Variants in MACROD2 observed in about 807,000 individuals in gnomAD.
MACROD2 encodes the protein ADP-ribose glycohydrolase MACROD2.
MACROD2 carries 36 observed loss-of-function variants against 70.4 expected under a neutral mutation model. The observed-to-expected ratio is 0.51, with a 90% CI of 0.39 to 0.68. The LOEUF (loss-of-function observed/expected upper bound fraction) is 0.68, where lower values mean the gene tolerates loss of function less well. Ranked by LOEUF, MACROD2 falls within the 30% of genes least tolerant of loss-of-function variation. The probability of loss-of-function intolerance (pLI) is 0.00; values close to 1 mark genes in which losing one functional copy is unlikely to be tolerated. For missense variants in MACROD2, 496 were observed against 538.4 expected, an observed-to-expected ratio of 0.92 and a Z score of 0.78; for synonymous variants, 172 against 178.8, an observed-to-expected ratio of 0.96 and a Z score of 0.30.
rs546026110 is a variant in MACROD2 at position 15,173,095 on chromosome 20, T to A, written c.419-56845T>A. Reference sequence around the variant, plus strand: ...GTGGGTCTGTGTGTTAAACTTTTTTTATCTTTTTCAGGGACTCAAATATTT... The same window carrying A: ...GTGGGTCTGTGTGTTAAACTTTTTTAATCTTTTTCAGGGACTCAAATATTT... On this transcript the variant is annotated intron_variant, in intron 5 of 17. Transcript: ENST00000684519. 5.9e-5 allele frequency among the ~76,000 whole-genome samples: 9 copies of A among 152,146 alleles called. No homozygotes were observed. In the East Asian group the frequency reaches 1.5e-3, roughly 26 times the overall value.
chr20:15,217,873 G>C lies in MACROD2; in HGVS notation c.419-12067G>C, dbSNP rs529996087. ...GGAAAGGTCTCTTGGTTTTCTTCGA[G>C]TGCTTTTACATTAATGGTTTCTACT... is the stretch of plus-strand genomic sequence containing the variant. On this transcript the variant is annotated intron_variant, in intron 5 of 17. Coordinates refer to ENST00000684519, the MANE Select transcript of MACROD2 (RefSeq NM_001351661.2). Among the ~76,000 whole-genome samples, 351 of 152,146 alleles carry C rather than the reference G, an allele frequency of 2.3e-3. 3 individuals are homozygous for C. The highest frequency in any genetic ancestry group is 0.011 in the South Asian group (54 of 4,818).
chr20:15,764,833 T>C (rs1173189864), intron 8 of MACROD2, among the ~76,000 whole-genome samples: 2 of 152,132 alleles, frequency 1.3e-5, no homozygotes, highest in African/African-American at 2.4e-5. Context: ...CTGAATAAAG[T>C]CTAAATTTCT....
intron 5 of MACROD2, among the ~76,000 whole-genome samples, chr20:14,808,088 A>G (rs1222688534): frequency 6.6e-6 from 1 of 152,108 alleles, no homozygotes; most frequent in African/African-American, 2.4e-5. Context: ...CAGGAAATAC[A>G]GAGAACATTG....
chr20:14,230,807 G>A (rs2081803381), intron 3 of MACROD2, among the ~76,000 whole-genome samples: 1 of 149,520 alleles, frequency 6.7e-6, no homozygotes, highest in Non-Finnish European at 1.5e-5. Flanking sequence ...TACTATCTGT[G>A]GCAGTTATAG....
At chr20:15,659,729 G>T (rs459448) in intron 8 of MACROD2, among the ~76,000 whole-genome samples, 1 of 151,900 alleles carries the variant, frequency 6.6e-6, no homozygotes, top group African/African-American at 2.4e-5. Context: ...GGTTTGTATG[G>T]CTCACAGTTT....
chr20:14,055,251 A>G (rs984379637), intron 2 of MACROD2, among the ~76,000 whole-genome samples: 1 of 152,126 alleles, frequency 6.6e-6, no homozygotes, highest in African/African-American at 2.4e-5. Context: ...AATGGATTAA[A>G]CACATTGGCG....
chr20:15,381,396 TCTTA>T (rs1156608212), intron 6 of MACROD2, among the ~76,000 whole-genome samples: 4 of 151,290 alleles, frequency 2.6e-5, no homozygotes, highest in Non-Finnish European at 5.9e-5. Flanking sequence ...TGAATTGGTG[TCTTA>T]CTTCACTTTA....
intron 3 of MACROD2, among the ~76,000 whole-genome samples, chr20:14,354,360 T>G (rs2083152511): frequency 6.6e-6 from 1 of 152,176 alleles, no homozygotes; most frequent in African/African-American, 2.4e-5. Context: ...ATTAAAAATG[T>G]TTTTATAACT....
chr20:15,725,729 T>A (rs893500896), intron 8 of MACROD2, among the ~76,000 whole-genome samples: 2 of 152,080 alleles, frequency 1.3e-5, no homozygotes, highest in African/African-American at 4.8e-5. Context: ...ATATACTTTT[T>A]TTTCAACATT....
intron 8 of MACROD2, among the ~76,000 whole-genome samples, chr20:15,775,524 A>T (rs886990286): frequency 6.6e-6 from 1 of 152,112 alleles, no homozygotes; most frequent in Admixed American, 6.5e-5. Context: ...CCATTTCATT[A>T]TGGCCAATAA....
rs372827267 is a variant in MACROD2, at chr20:15,251,279, G to A, written c.540+21218G>A. ...CTGCCATGTTTTCATTTGCTGGAAC[G>A]TGGTGAAGTTAGATAAATGATAATG... On this transcript the variant is annotated intron_variant, in intron 6 of 17. Coordinates refer to ENST00000684519, the MANE Select transcript of MACROD2 (RefSeq NM_001351661.2). 5.3e-4 allele frequency among the ~76,000 whole-genome samples: 80 copies of A among 152,260 alleles called. No homozygotes were observed. In the South Asian group the frequency reaches 1.0e-2, roughly 19 times the overall value.
chr20:14,990,141 A>G (rs2074888299), intron 5 of MACROD2, among the ~76,000 whole-genome samples: 1 of 152,094 alleles, frequency 6.6e-6, no homozygotes, highest in South Asian at 2.1e-4. Flanking sequence ...GAGGTCACCA[A>G]TTCTGAGCCC....
At chr20:14,556,724 T>A (rs1249138216) in intron 4 of MACROD2, among the ~76,000 whole-genome samples, 2 of 152,014 alleles carry the variant, frequency 1.3e-5, no homozygotes, top group African/African-American at 4.8e-5. Context: ...GCAATATACT[T>A]TTGAAAAGAT....
chr20:15,601,158 C>T (rs1004409503), intron 8 of MACROD2, among the ~76,000 whole-genome samples: 1 of 152,208 alleles, frequency 6.6e-6, no homozygotes, highest in Non-Finnish European at 1.5e-5. Flanking sequence ...TGAGCATTCT[C>T]ACTACTGACT....
At chr20:14,502,726 C>A (rs1161235348) in intron 4 of MACROD2, among the ~76,000 whole-genome samples, 1 of 152,002 alleles carries the variant, frequency 6.6e-6, no homozygotes, top group Non-Finnish European at 1.5e-5. Flanking sequence ...GGGGAATAAC[C>A]TGAATTGTTG....
Position 14,345,022 on chromosome 20 carries a change from C to G in MACROD2, c.272-148457C>G, listed in dbSNP as rs913982047. Among the ~76,000 whole-genome samples the G allele has an allele frequency of 5.3e-5, 8 of 152,088 alleles. No individual in the cohort carries two copies. In the East Asian group the frequency reaches 1.5e-3, roughly 29 times the overall value. ...CAGATCATATCTTATTAACAAAGAA[C>G]AAAGGATTTTGACTGACCAAAGAGT... On this transcript the variant is annotated intron_variant, in intron 3 of 17. Coordinates refer to ENST00000684519, the MANE Select transcript of MACROD2 (RefSeq NM_001351661.2).
intron 8 of MACROD2, among the ~76,000 whole-genome samples, chr20:15,732,673 T>A (rs1176388885): frequency 3.3e-5 from 5 of 151,216 alleles, no homozygotes; most frequent in Admixed American, 3.3e-4. Flanking sequence ...TGTGTATAAT[T>A]TTGTAATACA....
chr20:14,114,063 T>C (rs1237856837), intron 3 of MACROD2, among the ~76,000 whole-genome samples: 2 of 152,136 alleles, frequency 1.3e-5, no homozygotes, highest in African/African-American at 4.8e-5. Context: ...TAGCAACAAA[T>C]AATGAACAGA....
rs569013142 is a variant in MACROD2 at position 15,133,984 on chromosome 20, T to G, written c.419-95956T>G. 2.2e-4 allele frequency among the ~76,000 whole-genome samples: 33 copies of G among 147,108 alleles called. 1 individual carries two copies. Among genetic ancestry groups the G allele is most frequent in the Admixed American group, 2.2e-3 (32 of 14,690 alleles). On this transcript the variant is annotated intron_variant, in intron 5 of 17. Transcript: ENST00000684519. ...GTGCAGTGGTGCCATCTCAGCTCACTGCAAGCTCTGCCTCCCGGGTCACGC... is the reference window on the plus strand; with the variant it reads ...GTGCAGTGGTGCCATCTCAGCTCACGGCAAGCTCTGCCTCCCGGGTCACGC...
Sources: allele counts gnomAD v4.1 joint callset (sites outside exome capture counted in the v4.1 genomes callset), GRCh38; gene constraint gnomAD v4.1.1; transcripts MANE v1.5; gene names NCBI Gene and HGNC (gene_info 2026-07-23, HGNC 2026-07-21).